Variants in PCM1 observed in about 807,000 individuals in gnomAD.
PCM1 encodes pericentriolar material 1, also known as pericentriolar material 1 protein.
Under a neutral mutation model 241.9 loss-of-function variants are expected in PCM1, and 157 were observed. That is an observed-to-expected ratio of 0.65 (90% CI 0.57 to 0.74). The LOEUF (loss-of-function observed/expected upper bound fraction) is 0.74, where lower values mean the gene tolerates loss of function less well. Ranked by LOEUF, PCM1 falls within the 30% of genes least tolerant of loss-of-function variation. The probability of loss-of-function intolerance (pLI) is 0.00; values close to 1 mark genes in which losing one functional copy is unlikely to be tolerated. For missense variants in PCM1, 3,478 were observed against 2,360.1 expected (o/e 1.47, Z -9.81); for synonymous variants, 1,085 against 784.9 (o/e 1.38, Z -6.39).
intron 38 of PCM1, among the ~76,000 whole-genome samples, chr8:18,026,404 C>A (rs1417701947): frequency 6.7e-6 from 1 of 150,020 alleles, no homozygotes; most frequent in African/African-American, 2.5e-5. Flanking sequence ...ACTACAGGCG[C>A]CCGCCACCAC....
chr8:18,026,806 C>T (rs896910042), intron 38 of PCM1, among the ~76,000 whole-genome samples: 1 of 152,108 alleles, frequency 6.6e-6, no homozygotes, highest in African/African-American at 2.4e-5. Context: ...TTATCCCTTG[C>T]TGCTCCTCCT....
chr8:18,026,118 A>C (rs2094176817), intron 38 of PCM1, among the ~76,000 whole-genome samples: 1 of 114,978 alleles, frequency 8.7e-6, no homozygotes, highest in Non-Finnish European at 1.7e-5. Flanking sequence ...GAGCTGAGAT[A>C]GCGCCACTGC....
intron 2 of PCM1, chr8:17,934,783 C>G (rs1436917607): frequency 6.6e-6 from 1 of 152,192 alleles, no homozygotes; most frequent in East Asian, 1.9e-4. Context: ...AGAAATCTTA[C>G]TTTCTGATGA....
At chr8:17,971,921 T>A (rs2076985064) in intron 22 of PCM1, among the ~76,000 whole-genome samples, 1 of 151,964 alleles carries the variant, frequency 6.6e-6, no homozygotes, top group South Asian at 2.1e-4. Flanking sequence ...TTTTTAAAAT[T>A]TTTTTTAGAG....
intron 8 of PCM1, among the ~76,000 whole-genome samples, chr8:17,952,497 A>G (rs550313986): frequency 6.6e-6 from 1 of 152,312 alleles, no homozygotes; most frequent in African/African-American, 2.4e-5. Context: ...TGTGGGTTCC[A>G]CATCCATGGA....
chr8:17,936,861 T>A (rs539751594), intron 3 of PCM1, among the ~76,000 whole-genome samples: 1 of 152,266 alleles, frequency 6.6e-6, no homozygotes, highest in South Asian at 2.1e-4. Context: ...AATATTCAGA[T>A]TGATTTTAGG....
chr8:18,023,434 G>GA, intron 36 of PCM1, among the ~76,000 whole-genome samples: 1 of 152,164 alleles, frequency 6.6e-6, no homozygotes, highest in Non-Finnish European at 1.5e-5. Flanking sequence ...AGCAACCCTT[G>GA]AAAAAAAGTT....
chr8:17,956,008 A>T (rs1175657710), intron 10 of PCM1: 1 of 256,362 alleles, frequency 3.9e-6, no homozygotes, highest in East Asian at 1.1e-4. Flanking sequence ...TGTACAAATA[A>T]CTTAGCCTTA....
rs772407040 is a variant in PCM1, at chr8:17,980,756, G to C, written c.4108+1G>C. The C allele has an allele frequency of 6.3e-7, 1 of 1,599,888 alleles. No homozygotes were observed. Among genetic ancestry groups the C allele is most frequent in the Non-Finnish European group, 8.5e-7 (1 of 1,174,894 alleles). On this transcript the variant is annotated splice_donor_variant, in intron 24 of 38. Transcript: ENST00000325083. LOFTEE classifies it high-confidence loss of function. ...AATAGGTCTACAGAAATATCTTCAG[G>C]TATGTTCTTTTTTGGTTTGCATTAA...
At chr8:18,019,955 G>A (rs2093626743) in intron 36 of PCM1, among the ~76,000 whole-genome samples, 1 of 152,082 alleles carries the variant, frequency 6.6e-6, no homozygotes. Flanking sequence ...GGCAGTTAAG[G>A]GAGTTCATTG....
At chr8:17,947,522 G>C (rs2064292014) in intron 7 of PCM1, among the ~76,000 whole-genome samples, 159 bp downstream of exon 7, 1 of 152,118 alleles carries the variant, frequency 6.6e-6, no homozygotes, top group Admixed American at 6.5e-5. Flanking sequence ...CTCTGGTTAT[G>C]CAGAAAAGGT....
In PCM1 at chr8:18,029,466, C is replaced by T. The variant is rs180867008; in HGVS notation, c.*1804C>T. 6 of 216,762 alleles carry T rather than the reference C, an allele frequency of 2.8e-5. No individual in the cohort carries two copies. In the East Asian group the frequency reaches 4.1e-4, roughly 15 times the overall value. 13.4% of individuals were successfully genotyped at this position (216,762 alleles called of 1,614,324 possible). Reference sequence around the variant, plus strand: ...AAAGGGTAAAAACTGTTTTGGTACTCAAGCCCAGCCTTACATACTGTGTTT... The same window carrying T: ...AAAGGGTAAAAACTGTTTTGGTACTTAAGCCCAGCCTTACATACTGTGTTT... On this transcript the variant is annotated 3_prime_UTR_variant, in exon 39 of 39. Coordinates refer to ENST00000325083, the MANE Select transcript of PCM1 (RefSeq NM_006197.4).
At chr8:17,927,289 C>G (rs145549433) in intron 2 of PCM1, 1 of 151,914 alleles carries the variant, frequency 6.6e-6, no homozygotes, top group Admixed American at 6.6e-5. Flanking sequence ...CCCCACCACA[C>G]GTGGCTAATA....
chr8:17,996,738 C>G (rs1366192326), intron 29 of PCM1, among the ~76,000 whole-genome samples: 1 of 152,114 alleles, frequency 6.6e-6, no homozygotes, highest in Non-Finnish European at 1.5e-5. Flanking sequence ...TGTCTTATAA[C>G]TCAGTATTTT....
At chr8:17,961,475 T>A (rs1433207534) in intron 15 of PCM1, among the ~76,000 whole-genome samples, 1 of 152,006 alleles carries the variant, frequency 6.6e-6, no homozygotes, top group African/African-American at 2.4e-5. Context: ...CACGCCCGGC[T>A]AATTTTTTTG....
chr8:18,014,383 ATC>A (rs939835913), intron 35 of PCM1, among the ~76,000 whole-genome samples, 199 bp from the exon 36 acceptor site: 11 of 117,924 alleles, frequency 9.3e-5, no homozygotes, highest in African/African-American at 2.9e-4. Context: ...GATTTCAGGA[ATC>A]TGAGTCTTAA....
intron 2 of PCM1, among the ~76,000 whole-genome samples, chr8:17,931,920 A>T (rs942043270): frequency 2.0e-5 from 3 of 152,182 alleles, no homozygotes; most frequent in African/African-American, 7.2e-5. Context: ...TCCTGAAAAT[A>T]TGAGACAGAA....
In PCM1 at chr8:17,947,214, A is replaced by T. The variant is rs1202748818; in HGVS notation, c.812A>T (p.Glu271Val). The change falls in exon 7 of 39, where the codon GAA becomes GTA. Residue 271 changes from glutamate to valine, a missense_variant. Physicochemically the swap from Glu to Val is moderately radical, Grantham distance 121 (BLOSUM62 -2). Coordinates refer to ENST00000325083, the MANE Select transcript of PCM1 (RefSeq NM_006197.4). ...AGAGATCCTCAGCAGGAGCCTATGGAAGAGATAGAAAATTTGAAGAAACAA... is the reference window on the plus strand; with the variant it reads ...AGAGATCCTCAGCAGGAGCCTATGGTAGAGATAGAAAATTTGAAGAAACAA... ...LARDPQQEPM[E>V]EIENLKKQHD... 1 of 1,609,208 alleles carries T rather than the reference A, an allele frequency of 6.2e-7. No individual in the cohort carries two copies. The highest frequency in any genetic ancestry group is 8.5e-7 in the Non-Finnish European group (1 of 1,176,616).
At chr8:17,989,117 A>G (rs150919244) in intron 26 of PCM1, among the ~76,000 whole-genome samples, 1 of 151,996 alleles carries the variant, frequency 6.6e-6, no homozygotes, top group East Asian at 1.9e-4. Flanking sequence ...ATTAAAAAAT[A>G]ATTTCTGAAC....
Sources: allele counts gnomAD v4.1 joint callset (sites outside exome capture counted in the v4.1 genomes callset), GRCh38; gene constraint gnomAD v4.1.1; transcripts MANE v1.5; gene names NCBI Gene and HGNC (gene_info 2026-07-23, HGNC 2026-07-21).